DLG2: variants seen among roughly 807,000 people sequenced by gnomAD.
DLG2 encodes the protein disks large homolog 2.
Under a neutral mutation model 132.5 loss-of-function variants are expected in DLG2, and 45 were observed. The ratio of observed to expected loss-of-function variants is 0.34; its 90% CI spans 0.27 to 0.44. DLG2 has a LOEUF of 0.44. DLG2 is among the 20% of genes least tolerant of loss of function. The pLI is 1.00. For synonymous variants in DLG2, 424 were observed against 419.6 expected, an observed-to-expected ratio of 1.01 and a Z score of -0.13; for missense variants, 1,045 against 1,196.9, an observed-to-expected ratio of 0.87 and a Z score of 1.87.
At chr11:84,492,357 G>C (rs2099167406) in intron 7 of DLG2, among the ~76,000 whole-genome samples, 1 of 152,100 alleles carries the variant, frequency 6.6e-6, no homozygotes, top group African/African-American at 2.4e-5. Flanking sequence ...TCAGTAGAGT[G>C]GGTGATATAA....
intron 10 of DLG2, among the ~76,000 whole-genome samples, chr11:84,094,663 G>A (rs528976925): frequency 6.6e-6 from 1 of 152,176 alleles, no homozygotes; most frequent in East Asian, 1.9e-4. Flanking sequence ...GCTTTTATGA[G>A]GGCACTAATA....
At chr11:84,199,081 C>A (rs1022365789) in intron 8 of DLG2, among the ~76,000 whole-genome samples, 1 of 152,034 alleles carries the variant, frequency 6.6e-6, no homozygotes, top group African/African-American at 2.4e-5. Flanking sequence ...TTATTCTTTC[C>A]CAAGTTTACT....
chr11:83,814,575 C>T (rs528858083), intron 17 of DLG2: 5 of 184,548 alleles, frequency 2.7e-5, no homozygotes, highest in Admixed American at 1.6e-4. Flanking sequence ...CTCTCAGATA[C>T]GAGGAACACT....
At chr11:84,143,784 T>C (rs1330118395) in intron 9 of DLG2, among the ~76,000 whole-genome samples, 1 of 152,154 alleles carries the variant, frequency 6.6e-6, no homozygotes, top group Non-Finnish European at 1.5e-5. Flanking sequence ...CTGAAGCAGG[T>C]ATTCATTGTA....
intron 6 of DLG2, among the ~76,000 whole-genome samples, chr11:85,099,951 C>T (rs923439397): frequency 2.6e-5 from 4 of 152,156 alleles, no homozygotes; most frequent in African/African-American, 9.7e-5. Context: ...TCACCAAAGG[C>T]TAGAACATAT....
At chr11:84,746,251 G>GA (rs369130410) in intron 6 of DLG2, among the ~76,000 whole-genome samples, 2,253 of 90,946 alleles carry the variant, frequency 0.025, 24 homozygotes, top group Non-Finnish European at 0.033. Flanking sequence ...GATATGAAAA[G>GA]AAAAAAAAAA....
chr11:84,698,508 C>T (rs566086810), intron 6 of DLG2, among the ~76,000 whole-genome samples: 4 of 151,526 alleles, frequency 2.6e-5, no homozygotes, highest in East Asian at 3.9e-4. Context: ...AAAATACAAT[C>T]GACTTTTTGG....
At chr11:84,025,385 G>A (rs977728185) in intron 11 of DLG2, among the ~76,000 whole-genome samples, 8 of 152,052 alleles carry the variant, frequency 5.3e-5, no homozygotes, top group Non-Finnish European at 1.0e-4. Flanking sequence ...CTGCCCCCAT[G>A]TTTCAATTAC....
chr11:83,691,127 T>G (rs2080920687), intron 18 of DLG2, among the ~76,000 whole-genome samples: 2 of 152,136 alleles, frequency 1.3e-5, no homozygotes, highest in South Asian at 4.1e-4. Flanking sequence ...TATCTGGAAA[T>G]GTAGGTTCAG....
chr11:85,298,235 T>C (rs2152786084), intron 3 of DLG2, among the ~76,000 whole-genome samples: 1 of 152,286 alleles, frequency 6.6e-6, no homozygotes, highest in South Asian at 2.1e-4. Flanking sequence ...AATTATATAG[T>C]GTTAGACTGG....
At chr11:84,325,996 GTTCAT>G (rs1305892157) in intron 7 of DLG2, among the ~76,000 whole-genome samples, 1 of 151,908 alleles carries the variant, frequency 6.6e-6, no homozygotes, top group Non-Finnish European at 1.5e-5. Flanking sequence ...CTAGGAATTT[GTTCAT>G]TTCATCTAGG....
rs1463548718 is a variant in DLG2 at position 83,790,519 on chromosome 11, C to T, written c.1723-3727G>A. 8 of 1,271,586 alleles carry T rather than the reference C, an allele frequency of 6.3e-6. No individual in the cohort carries two copies. The East Asian group carries it at 1.9e-4, about 29-fold the overall frequency. 78.8% of individuals were successfully genotyped at this position (1,271,586 alleles called of 1,614,324 possible). On this transcript the variant is annotated intron_variant, in intron 17 of 27. Coordinates refer to ENST00000376104, the MANE Select transcript of DLG2 (RefSeq NM_001142699.3). ...TGCACTGAGACATAAACTCTTGCAACACCAGGAGCAGAGTTAAAATCAAAA... is the reference window on the plus strand; with the variant it reads ...TGCACTGAGACATAAACTCTTGCAATACCAGGAGCAGAGTTAAAATCAAAA...
At chr11:84,035,508 C>T (rs369603709) in intron 11 of DLG2, among the ~76,000 whole-genome samples, 1 of 152,170 alleles carries the variant, frequency 6.6e-6, no homozygotes, top group South Asian at 2.1e-4. Flanking sequence ...CAGGAACATA[C>T]TTAGAACTTT....
chr11:83,910,593 T>A (rs1359081984), intron 15 of DLG2, among the ~76,000 whole-genome samples: 1 of 152,166 alleles, frequency 6.6e-6, no homozygotes, highest in African/African-American at 2.4e-5. Flanking sequence ...ATATTATAAA[T>A]GTTTGAGATG....
intron 7 of DLG2, among the ~76,000 whole-genome samples, chr11:84,340,552 T>C (rs2098509843): frequency 6.6e-6 from 1 of 152,142 alleles, no homozygotes; most frequent in South Asian, 2.1e-4. Context: ...GAAAAGTAGG[T>C]ATTCTGATCC....
chr11:85,050,118 T>TCACACACACACA (rs33991615), intron 6 of DLG2, among the ~76,000 whole-genome samples: 7,425 of 136,656 alleles, frequency 0.054, 239 homozygotes, highest in East Asian at 0.088. Context: ...CACTGTGTCA[T>TCACACACACACA]CACACACACA....
At chr11:85,149,811 G>T (rs573254036) in intron 5 of DLG2, among the ~76,000 whole-genome samples, 1 of 151,978 alleles carries the variant, frequency 6.6e-6, no homozygotes, top group Non-Finnish European at 1.5e-5. Flanking sequence ...AATGAGCTAC[G>T]TTGGGAGGTG....
intron 5 of DLG2, among the ~76,000 whole-genome samples, chr11:85,121,575 AT>A (rs1166315802): frequency 6.6e-6 from 1 of 152,048 alleles, no homozygotes; most frequent in Non-Finnish European, 1.5e-5. Context: ...TTGTACTTAA[AT>A]TTTAGAAATT....
At chr11:85,354,862 G>A (rs1192622700) in intron 3 of DLG2, among the ~76,000 whole-genome samples, 4 of 151,516 alleles carry the variant, frequency 2.6e-5, no homozygotes, top group Non-Finnish European at 4.4e-5. Flanking sequence ...TTAGAACAGA[G>A]GAACAGAAGA....
Sources: allele counts gnomAD v4.1 joint callset (sites outside exome capture counted in the v4.1 genomes callset), GRCh38; gene constraint gnomAD v4.1.1; transcripts MANE v1.5; gene names NCBI Gene and HGNC (gene_info 2026-07-23, HGNC 2026-07-21).